Variants in CPNE8 observed in about 807,000 individuals in gnomAD.
The protein encoded by CPNE8 is copine-8.
In CPNE8, 45 loss-of-function variants were observed where a neutral mutation model predicts 81.5. The observed-to-expected ratio is 0.55, with a 90% CI of 0.44 to 0.71. CPNE8 has a LOEUF of 0.71. CPNE8 is among the 30% of genes least tolerant of loss of function. CPNE8 has a pLI of 0.00. For synonymous variants in CPNE8, 252 were observed against 226.3 expected (o/e 1.11, Z -1.02); for missense variants, 594 against 672.1 (o/e 0.88, Z 1.28).
intron 17 of CPNE8, among the ~76,000 whole-genome samples, chr12:38,676,885 T>A (rs1254342144): frequency 6.6e-6 from 1 of 152,176 alleles, no homozygotes; most frequent in African/African-American, 2.4e-5. Context: ...TCCTGCAGCC[T>A]GTATTTATCA....
chr12:38,741,118 A>T (rs1394325830), intron 10 of CPNE8, among the ~76,000 whole-genome samples: 1 of 152,192 alleles, frequency 6.6e-6, no homozygotes, highest in African/African-American at 2.4e-5. Flanking sequence ...AAGGTAATTT[A>T]TAGATTCAAT....
At chr12:38,720,191 C>T (rs183889844) in intron 13 of CPNE8, among the ~76,000 whole-genome samples, 48 of 152,286 alleles carry the variant, frequency 3.2e-4, no homozygotes, top group Admixed American at 2.9e-3. Flanking sequence ...ACAGGCAGTG[C>T]TATAAGTAGG....
intron 6 of CPNE8, among the ~76,000 whole-genome samples, chr12:38,818,131 A>C (rs1943057023): frequency 6.6e-6 from 1 of 152,082 alleles, no homozygotes; most frequent in African/African-American, 2.4e-5. Context: ...GTAGAATAGT[A>C]ACTGATTTTT....
chr12:38,816,679 T>C (rs917103863), intron 6 of CPNE8, among the ~76,000 whole-genome samples: 11 of 152,232 alleles, frequency 7.2e-5, no homozygotes, highest in African/African-American at 2.7e-4. Context: ...ATATTTATTT[T>C]AAAAATTGAA....
At chr12:38,673,113 A>G (rs999648109) in intron 18 of CPNE8, among the ~76,000 whole-genome samples, 3 of 151,986 alleles carry the variant, frequency 2.0e-5, no homozygotes, top group Admixed American at 6.6e-5. Context: ...TTCTCACAAG[A>G]TCTTATGGTT....
intron 6 of CPNE8, among the ~76,000 whole-genome samples, chr12:38,814,291 T>C (rs911039756): frequency 2.0e-5 from 3 of 149,956 alleles, no homozygotes; most frequent in Non-Finnish European, 4.4e-5. Flanking sequence ...TGAAGAAAGT[T>C]TAAGGAGCCA....
intron 19 of CPNE8, among the ~76,000 whole-genome samples, chr12:38,656,659 T>C (rs1332903026): frequency 6.6e-6 from 1 of 152,212 alleles, no homozygotes; most frequent in Non-Finnish European, 1.5e-5. Context: ...TCTTCTTCTA[T>C]AAAATAAAAA....
intron 1 of CPNE8, among the ~76,000 whole-genome samples, chr12:38,877,928 T>C (rs1944091423): frequency 6.6e-6 from 1 of 152,122 alleles, no homozygotes; most frequent in Non-Finnish European, 1.5e-5. Context: ...AAGATGCAGG[T>C]CATAAAGACC....
rs550584857 is a variant in CPNE8 at position 38,703,820 on chromosome 12, A to T, written c.915-899T>A. Among the ~76,000 whole-genome samples, 4 of 152,240 alleles carry T rather than the reference A, an allele frequency of 2.6e-5. No homozygotes were observed. The South Asian group carries it at 8.3e-4, about 32-fold the overall frequency. ...CAATAATGTTCAAGCTGAGGGCCAA[A>T]TGAAGAATGCAATCCCATTCACAAG... On this transcript the variant is annotated intron_variant, in intron 13 of 19. Coordinates refer to ENST00000331366, the MANE Select transcript of CPNE8 (RefSeq NM_153634.3).
At chr12:38,762,829 C>G (rs999238680) in intron 8 of CPNE8, among the ~76,000 whole-genome samples, 1 of 152,134 alleles carries the variant, frequency 6.6e-6, no homozygotes, top group African/African-American at 2.4e-5. Context: ...ACTTCTGATG[C>G]ATGAGAGAAA....
Position 38,890,876 on chromosome 12 carries a change from T to C in CPNE8, c.98+14561A>G, listed in dbSNP as rs145759736. Among the ~76,000 whole-genome samples, 97 of 149,628 alleles carry C rather than the reference T, an allele frequency of 6.5e-4. No homozygotes were observed. In the East Asian group the frequency reaches 0.016, roughly 25 times the overall value. On this transcript the variant is annotated intron_variant, in intron 1 of 19. Coordinates refer to ENST00000331366, the MANE Select transcript of CPNE8 (RefSeq NM_153634.3). The stretch of plus-strand genomic sequence containing the variant: ...ATGCCCAGATTAAGCGAATTATCTG[T>C]CAACATTTTTATTTATATATATACA...
intron 6 of CPNE8, among the ~76,000 whole-genome samples, chr12:38,783,026 A>C (rs1459551722): frequency 6.6e-6 from 1 of 152,188 alleles, no homozygotes; most frequent in East Asian, 1.9e-4. Flanking sequence ...CAGAAAAGAA[A>C]GTTACCAAAA....
At chr12:38,689,168 C>T (rs2136665377) in intron 15 of CPNE8, among the ~76,000 whole-genome samples, 2 of 152,232 alleles carry the variant, frequency 1.3e-5, no homozygotes, top group South Asian at 4.1e-4. Flanking sequence ...TATTTCCCTC[C>T]TAATTAACAA....
At chr12:38,880,113 A>T (rs1180606564) in intron 1 of CPNE8, among the ~76,000 whole-genome samples, 1 of 152,256 alleles carries the variant, frequency 6.6e-6, no homozygotes, top group East Asian at 1.9e-4. Flanking sequence ...TTTTGCAAAC[A>T]CTGTCCAGAA....
chr12:38,797,447 G>T (rs79297049), intron 6 of CPNE8, among the ~76,000 whole-genome samples: 4 of 152,168 alleles, frequency 2.6e-5, no homozygotes, highest in Admixed American at 2.6e-4. Context: ...AGGGTCTGGA[G>T]TGGACCTCCA....
At chr12:38,669,727 T>C (rs1305952947) in intron 19 of CPNE8, among the ~76,000 whole-genome samples, 1 of 152,116 alleles carries the variant, frequency 6.6e-6, no homozygotes, top group Non-Finnish European at 1.5e-5. Context: ...GGAGGGAAAG[T>C]CTCTTAGGCA....
chr12:38,676,172 A>T (rs765844620), intron 17 of CPNE8: 1 of 534,942 alleles, frequency 1.9e-6, no homozygotes, highest in Non-Finnish European at 2.4e-6. Context: ...ATATAACCAG[A>T]GTTTTATTTA....
At chr12:38,698,397 T>G (rs1939849054) in intron 14 of CPNE8, among the ~76,000 whole-genome samples, 1 of 152,178 alleles carries the variant, frequency 6.6e-6, no homozygotes. Context: ...GCATAAAAAG[T>G]TTTGATTTTG....
chr12:38,784,378 G>A (rs1450385849), intron 6 of CPNE8, among the ~76,000 whole-genome samples: 1 of 152,054 alleles, frequency 6.6e-6, no homozygotes, highest in Non-Finnish European at 1.5e-5. Context: ...CTAGAAAAAA[G>A]CCCCCAAAGG....
Sources: allele counts gnomAD v4.1 joint callset (sites outside exome capture counted in the v4.1 genomes callset), GRCh38; gene constraint gnomAD v4.1.1; transcripts MANE v1.5; gene names NCBI Gene and HGNC (gene_info 2026-07-23, HGNC 2026-07-21).